Variants in DPY19L2 observed in about 807,000 individuals in gnomAD.
DPY19L2 encodes probable C-mannosyltransferase DPY19L2.
In DPY19L2, 34 loss-of-function variants were observed where a neutral mutation model predicts 97.9. That is an observed-to-expected ratio of 0.35 (90% confidence interval 0.26 to 0.46). The LOEUF is 0.46. DPY19L2 is among the 20% of genes least tolerant of loss of function. The probability of loss-of-function intolerance (pLI) is 1.00; values close to 1 mark genes in which losing one functional copy is unlikely to be tolerated. For synonymous variants in DPY19L2, 230 were observed against 307.9 expected, an observed-to-expected ratio of 0.75 and a Z score of 2.65; for missense variants, 623 against 911.4, an observed-to-expected ratio of 0.68 and a Z score of 4.07.
In DPY19L2 at chr12:63,667,364, TTC is replaced by T. The variant is rs367805650; in HGVS notation, c.337+691_337+692del. Among the ~76,000 whole-genome samples the T allele has an allele frequency of 6.1e-4, 93 of 152,272 alleles. No homozygotes were observed. In the East Asian group the frequency reaches 0.018, roughly 29 times the overall value. On this transcript the variant is annotated intron_variant, in intron 1 of 21. Coordinates refer to ENST00000324472, the MANE Select transcript of DPY19L2 (RefSeq NM_173812.5). ...AGCTTTCCAAAGATGCTCAAAATCT[TTC>T]TGTGTCTCTCACTCCCTCCCTTAAC...
At chr12:63,595,566 T>G (rs1884069968) in intron 15 of DPY19L2, among the ~76,000 whole-genome samples, 1 of 152,224 alleles carries the variant, frequency 6.6e-6, no homozygotes, top group South Asian at 2.1e-4. Flanking sequence ...ACTAACATTG[T>G]TGTCACTGGA....
chr12:63,589,138 T>G (rs1236154975), intron 16 of DPY19L2, among the ~76,000 whole-genome samples: 1 of 151,820 alleles, frequency 6.6e-6, no homozygotes, highest in Non-Finnish European at 1.5e-5. Flanking sequence ...ATTCTTCACT[T>G]TAGAGTCAGA....
chr12:63,575,405 A>G (rs1165088853), intron 19 of DPY19L2, among the ~76,000 whole-genome samples: 1 of 151,874 alleles, frequency 6.6e-6, no homozygotes, highest in Non-Finnish European at 1.5e-5. Flanking sequence ...ATGCTTCTTA[A>G]AAAACTAGAA....
intron 6 of DPY19L2, among the ~76,000 whole-genome samples, chr12:63,632,979 TAATA>T (rs1428368873): frequency 6.6e-6 from 1 of 152,134 alleles, no homozygotes; most frequent in Admixed American, 6.5e-5. Context: ...ATTCCCTATT[TAATA>T]AATGATGCTC....
At chr12:63,596,671 A>G (rs1259179051) in intron 14 of DPY19L2, among the ~76,000 whole-genome samples, 2 of 152,168 alleles carry the variant, frequency 1.3e-5, no homozygotes, top group Non-Finnish European at 2.9e-5. Flanking sequence ...TGGATGGATA[A>G]GAGAAGAATG....
At chr12:63,648,026 G>A (rs1177925850) in intron 4 of DPY19L2, among the ~76,000 whole-genome samples, 1 of 152,136 alleles carries the variant, frequency 6.6e-6, no homozygotes, top group Non-Finnish European at 1.5e-5. Context: ...GGACCTGCAA[G>A]AGGTGATTAG....
chr12:63,586,520 A>T (rs1310318221), intron 16 of DPY19L2, among the ~76,000 whole-genome samples: 1 of 152,206 alleles, frequency 6.6e-6, no homozygotes, highest in Non-Finnish European at 1.5e-5. Context: ...CGCTGAAGCA[A>T]GCAGGTCTCT....
At chr12:63,594,540 G>GTA (rs777852500) in intron 15 of DPY19L2, among the ~76,000 whole-genome samples, 1 of 149,378 alleles carries the variant, frequency 6.7e-6, no homozygotes, top group African/African-American at 2.5e-5. Flanking sequence ...GTGTATGTGT[G>GTA]TATGTGTGTA....
intron 8 of DPY19L2, among the ~76,000 whole-genome samples, chr12:63,623,378 A>C (rs1358680845): frequency 6.6e-6 from 1 of 152,192 alleles, no homozygotes; most frequent in South Asian, 2.1e-4. Context: ...TCATTTGCAC[A>C]CAGAACACTT....
intron 6 of DPY19L2, among the ~76,000 whole-genome samples, chr12:63,628,288 G>A (rs566164750): frequency 7.2e-5 from 11 of 152,292 alleles, no homozygotes; most frequent in South Asian, 2.1e-4. Flanking sequence ...CCCAGGAAGC[G>A]CAAGGGGTCA....
chr12:63,660,243 C>CTTGTAATCAAAAGTG (rs1895501860), intron 4 of DPY19L2, among the ~76,000 whole-genome samples: 1 of 151,948 alleles, frequency 6.6e-6, no homozygotes, highest in Non-Finnish European at 1.5e-5. Flanking sequence ...TTTTAGATTA[C>CTTGTAATCAAAAGTG]ATTGCTTGTA....
In DPY19L2 at chr12:63,661,481, C is replaced by T. The variant is rs748938582; in HGVS notation, c.451G>A (p.Gly151Arg). Reference sequence around the variant, plus strand: ...GTCTTGAAGTATGAATAATAAAGTCCCTTTTTTTAAAAAAAGACATATATT... The same window carrying T: ...GTCTTGAAGTATGAATAATAAAGTCTCTTTTTTTAAAAAAAGACATATATT... ...EREMTFRTEMGLYYSYFKTII... is the reference protein window; with the variant it reads ...EREMTFRTEMRLYYSYFKTII... The change falls in exon 4 of 22, where the codon GGA becomes AGA. Residue 151 changes from glycine to arginine, a missense_variant and splice_region_variant. By Grantham distance (125) the Gly-to-Arg change is moderately radical. This residue lies in a region of DPY19L2 where 84 missense variants were observed against 125.4 expected (regional missense o/e 0.67). Coordinates refer to ENST00000324472, the MANE Select transcript of DPY19L2 (RefSeq NM_173812.5). 4 of 1,545,906 alleles carry T rather than the reference C, an allele frequency of 2.6e-6. No homozygotes were observed. The highest frequency in any genetic ancestry group is 2.4e-5 in the East Asian group (1 of 41,862).
At chr12:63,592,055 G>C (rs141953934) in intron 16 of DPY19L2, among the ~76,000 whole-genome samples, 43 of 38,776 alleles carry the variant, frequency 1.1e-3, no homozygotes, top group East Asian at 1.6e-3. Flanking sequence ...GAACGGAAGG[G>C]AAGGGAAGGC....
chr12:63,595,395 T>C (rs1375681816), intron 15 of DPY19L2, among the ~76,000 whole-genome samples: 2 of 152,098 alleles, frequency 1.3e-5, no homozygotes, highest in Non-Finnish European at 1.5e-5. Context: ...AACCTACCAG[T>C]GGTATTTTAA....
At chr12:63,571,029 G>T (rs1424152788) in intron 19 of DPY19L2, among the ~76,000 whole-genome samples, 172 bp from the exon 20 acceptor site, 1 of 151,950 alleles carries the variant, frequency 6.6e-6, no homozygotes, top group Non-Finnish European at 1.5e-5. Context: ...TACAATAATA[G>T]CTGACTTTTG....
intron 3 of DPY19L2, among the ~76,000 whole-genome samples, 154 bp from the exon 4 acceptor site, chr12:63,661,635 A>G (rs1357960126): frequency 6.6e-6 from 1 of 151,628 alleles, no homozygotes; most frequent in Non-Finnish European, 1.5e-5. Context: ...TTGGTTTTTA[A>G]AGAACACGTA....
At chr12:63,632,867 A>G (rs540317958) in intron 6 of DPY19L2, among the ~76,000 whole-genome samples, 1 of 152,274 alleles carries the variant, frequency 6.6e-6, no homozygotes, top group Admixed American at 6.5e-5. Context: ...CAAAACTGAG[A>G]TATAGACCAA....
intron 7 of DPY19L2, among the ~76,000 whole-genome samples, chr12:63,624,347 A>G (rs1889182137): frequency 6.6e-6 from 1 of 152,088 alleles, no homozygotes; most frequent in South Asian, 2.1e-4. Flanking sequence ...AGCAACAGAT[A>G]TATCAGACCG....
intron 7 of DPY19L2, among the ~76,000 whole-genome samples, chr12:63,624,600 G>A (rs1361756020): frequency 3.3e-5 from 5 of 152,050 alleles, no homozygotes; most frequent in African/African-American, 4.8e-5. Context: ...TACACACTTC[G>A]AATAGCTAGG....
Sources: gnomAD v4.1 joint callset for allele counts (sites outside exome capture counted in the v4.1 genomes callset) on GRCh38, gnomAD v4.1.1 for gene constraint, gnomAD v4.1.1 regional missense constraint, MANE v1.5 for transcripts, NCBI Gene and HGNC (gene_info 2026-07-23, HGNC 2026-07-21) for gene names.